Variants in PACSIN1 observed in about 807,000 individuals in gnomAD.
PACSIN1 encodes protein kinase C and casein kinase substrate in neurons 1, also known as protein kinase C and casein kinase substrate in neurons protein 1.
PACSIN1 carries 15 observed loss-of-function variants against 59.5 expected under a neutral mutation model. The ratio of observed to expected loss-of-function variants is 0.25; its 90% CI spans 0.17 to 0.39. The LOEUF is 0.39. PACSIN1 is among the 10% of genes least tolerant of loss of function. The pLI is 1.00. For synonymous variants in PACSIN1, 210 were observed against 220.6 expected (o/e 0.95, Z 0.42); for missense variants, 420 against 580.2 (o/e 0.72, Z 2.84).
chr6:34,512,270 A>G (rs1264864941), intron 1 of PACSIN1, among the ~76,000 whole-genome samples: 1 of 139,334 alleles, frequency 7.2e-6, no homozygotes, highest in Non-Finnish European at 1.5e-5. Flanking sequence ...CTTCTTCCAC[A>G]GGGCCTGTCT....
Position 34,529,835 on chromosome 6 carries a change from A to T in PACSIN1, c.782A>T (p.Asn261Ile). The change falls in exon 6 of 10, where the codon AAC (asparagine) becomes ATC (isoleucine). Residue 261 changes from asparagine to isoleucine, a missense_variant. Asn to Ile is a moderately radical substitution (Grantham distance 149). Coordinates refer to ENST00000244458, the MANE Select transcript of PACSIN1 (RefSeq NM_020804.5). The surrounding 1 kb of genome is among the most constrained non-coding windows in gnomAD (Gnocchi z 6.3). ...DIKRHLNLAE[N>I]SSYIHVYREL... is the part of the protein sequence containing the mutation. ...AAACGGCACCTCAACCTGGCTGAGA[A>T]CAGCAGGTACCTGGGCATGGCAGGC... The T allele has an allele frequency of 6.2e-7, 1 of 1,613,312 alleles. No individual in the cohort carries two copies. Among genetic ancestry groups the T allele is most frequent in the Non-Finnish European group, 8.5e-7 (1 of 1,179,718 alleles).
At chr6:34,526,516 T>A (rs1767484763) in intron 2 of PACSIN1, 148 bp downstream of exon 2, 2 of 642,158 alleles carry the variant, frequency 3.1e-6, no homozygotes, top group African/African-American at 3.7e-5. Flanking sequence ...CAGGCAGCGG[T>A]AGCCATGAAG....
rs574899058 is a variant in PACSIN1 at position 34,527,349 on chromosome 6, G to C, written c.81G>C (p.Arg27=). 6.3e-7 allele frequency: 1 copy of C among 1,587,974 alleles called. No individual in the cohort carries two copies. Among genetic ancestry groups the C allele is most frequent in the Non-Finnish European group, 8.6e-7 (1 of 1,168,042 alleles). Residue 27 remains arginine, a synonymous_variant, in exon 3 of 10, where the codon CGG becomes CGC. Coordinates refer to ENST00000244458, the MANE Select transcript of PACSIN1 (RefSeq NM_020804.5). ...DSFWEVGNYK[R]TVKRIDDGHR... is the part of the protein sequence containing the mutation. Reference sequence around the variant, plus strand: ...GCCGCCAGGTGGGGAACTACAAGCGGACCGTGAAGCGCATCGATGACGGCC... The same window carrying C: ...GCCGCCAGGTGGGGAACTACAAGCGCACCGTGAAGCGCATCGATGACGGCC...
At chr6:34,496,318 T>C (rs902229559) in intron 1 of PACSIN1, among the ~76,000 whole-genome samples, 1 of 151,012 alleles carries the variant, frequency 6.6e-6, no homozygotes, top group Non-Finnish European at 1.5e-5. Flanking sequence ...CCTGATTTCC[T>C]CCCTACAGTG....
At position 34,531,281 on chromosome 6, in the gene PACSIN1, C is replaced by T. The variant is rs1187357951; in HGVS notation, c.1038-319C>T. On this transcript the variant is annotated intron_variant, in intron 8 of 9. Transcript: ENST00000244458. The surrounding 1 kb of genome is among the most constrained non-coding windows in gnomAD (Gnocchi z 4.4). ...ATTGCTAGTTAGTAAACCTCAGAGCCAGATATGTTGCCCAGGAGGTCTGAC... is the reference window on the plus strand; with the variant it reads ...ATTGCTAGTTAGTAAACCTCAGAGCTAGATATGTTGCCCAGGAGGTCTGAC... Among the ~76,000 whole-genome samples, 1 of 152,178 alleles carries T rather than the reference C, an allele frequency of 6.6e-6. No individual in the cohort carries two copies. The highest frequency in any genetic ancestry group is 2.4e-5 in the African/African-American group (1 of 41,424).
intron 1 of PACSIN1, among the ~76,000 whole-genome samples, chr6:34,510,878 A>G (rs1300634277): frequency 1.3e-5 from 2 of 152,070 alleles, no homozygotes; most frequent in African/African-American, 2.4e-5. Flanking sequence ...ATGCCCAGCT[A>G]ATTTTTTGTA....
Position 34,530,307 on chromosome 6 carries a change from A to G in PACSIN1, c.853A>G (p.Arg285Gly). Reference protein sequence around the residue: ...IRGADAQEDLRWFRSTSGPGM... With the variant: ...IRGADAQEDLGWFRSTSGPGM... ...GGGGGCTGATGCCCAGGAAGACCTC[A>G]GATGGTTCCGCAGCACCAGTGGCCC... The change falls in exon 7 of 10, where the codon AGA becomes GGA. Residue 285 changes from arginine (R) to glycine (G), a missense_variant. Transcript: ENST00000244458. The surrounding 1 kb of genome is among the most constrained non-coding windows in gnomAD (Gnocchi z 4.4). The G allele has an allele frequency of 1.9e-6, 3 of 1,614,150 alleles. No individual in the cohort carries two copies. Among genetic ancestry groups the G allele is most frequent in the South Asian group, 1.1e-5 (1 of 91,080 alleles).
chr6:34,519,368 G>A (rs1472710819), intron 1 of PACSIN1, among the ~76,000 whole-genome samples: 1 of 152,152 alleles, frequency 6.6e-6, no homozygotes, highest in Non-Finnish European at 1.5e-5. Context: ...TAATGAGCAG[G>A]CTCCCTGGGG....
At position 34,500,600 on chromosome 6, in the gene PACSIN1, T is replaced by C. The variant is rs188174092; in HGVS notation, c.-63-25643T>C. ...GCATAATTCTCAAGGGCCTTAGAAT[T>C]TCAGGAATGGTAAATGAGCACTGGC... On this transcript the variant is annotated intron_variant, in intron 1 of 9. Transcript: ENST00000244458. 7.2e-5 allele frequency among the ~76,000 whole-genome samples: 11 copies of C among 152,304 alleles called. No individual in the cohort carries two copies. The East Asian group carries it at 2.1e-3, about 29-fold the overall frequency.
chr6:34,478,989 G>C (rs1022312711), intron 1 of PACSIN1, among the ~76,000 whole-genome samples: 4 of 152,098 alleles, frequency 2.6e-5, no homozygotes, highest in African/African-American at 9.7e-5. Flanking sequence ...AAGTGCAAAA[G>C]AGACAGACGA....
At chr6:34,466,995 G>C (rs976184697) in intron 1 of PACSIN1, among the ~76,000 whole-genome samples, 1 of 152,166 alleles carries the variant, frequency 6.6e-6, no homozygotes, top group Admixed American at 6.5e-5. Context: ...GCCAGACCCA[G>C]CTTCAAGCCC....
chr6:34,518,106 A>G lies in PACSIN1; in HGVS notation c.-63-8137A>G, dbSNP rs1045357322. Among the ~76,000 whole-genome samples the G allele has an allele frequency of 5.3e-5, 8 of 152,104 alleles. No homozygotes were observed. The highest frequency in any genetic ancestry group is 1.2e-4 in the Non-Finnish European group (8 of 67,986). On this transcript the variant is annotated intron_variant, in intron 1 of 9. Transcript: ENST00000244458. This position sits in a 1 kb window ranked among gnomAD's most constrained non-coding sequence, Gnocchi z 4.4. Reference sequence around the variant, plus strand: ...GGTCCACACATCTTCCTTTTCTCCAATCCAGCTGTGACCAGAGCTGCTCTG... The same window carrying G: ...GGTCCACACATCTTCCTTTTCTCCAGTCCAGCTGTGACCAGAGCTGCTCTG...
Position 34,528,426 on chromosome 6 carries a change from C to T in PACSIN1, c.221-216C>T, listed in dbSNP as rs532911152. Among the ~76,000 whole-genome samples the T allele has an allele frequency of 3.3e-5, 5 of 152,242 alleles. No individual in the cohort carries two copies. In the East Asian group the frequency reaches 5.8e-4, roughly 18 times the overall value. On this transcript the variant is annotated intron_variant, in intron 3 of 9. Coordinates refer to ENST00000244458, the MANE Select transcript of PACSIN1 (RefSeq NM_020804.5). ...CGCAGATACTGTGAGAAGAATGCAG[C>T]GAGGGCTGCTGGCCATGGCAGGAGG...
At chr6:34,505,581 A>T (rs1219565796) in intron 1 of PACSIN1, among the ~76,000 whole-genome samples, 48 of 70,768 alleles carry the variant, frequency 6.8e-4, no homozygotes, top group Non-Finnish European at 8.6e-4. Context: ...GGTAATTTCT[A>T]TTGTTCTATC....
At chr6:34,491,546 C>T (rs1396295337) in intron 1 of PACSIN1, among the ~76,000 whole-genome samples, 1 of 152,026 alleles carries the variant, frequency 6.6e-6, no homozygotes. Context: ...GGGAAGTGCC[C>T]CTTAGAACAC....
chr6:34,526,320 C>T lies in PACSIN1; in HGVS notation c.15C>T (p.Tyr5=), dbSNP rs530053645. Residue 5 remains tyrosine (Y), a synonymous_variant, in exon 2 of 10, where the codon TAC becomes TAT. Transcript: ENST00000244458. ...GCGGCTACACCATGTCCAGCTCCTA[C>T]GATGAGGCCTCACTGGCGCCAGAGG... MSSS[Y]DEASLAPEET... 11 of 1,612,154 alleles carry T rather than the reference C, an allele frequency of 6.8e-6. No homozygotes were observed. The East Asian group carries it at 1.1e-4, about 16-fold the overall frequency.
intron 1 of PACSIN1, among the ~76,000 whole-genome samples, chr6:34,478,057 T>C (rs915405578): frequency 2.7e-5 from 4 of 148,146 alleles, no homozygotes; most frequent in African/African-American, 1.0e-4. Context: ...CCAGCCCCTT[T>C]ATCCTTTTTT....
chr6:34,490,700 G>A (rs1766863577), intron 1 of PACSIN1, among the ~76,000 whole-genome samples: 1 of 152,196 alleles, frequency 6.6e-6, no homozygotes, highest in Non-Finnish European at 1.5e-5. Flanking sequence ...TGGTAAATGA[G>A]GTGCCTGCCC....
rs192864368 is a variant in PACSIN1, at chr6:34,517,668, G to T, written c.-63-8575G>T. Among the ~76,000 whole-genome samples the T allele has an allele frequency of 7.3e-5, 11 of 151,574 alleles. No individual in the cohort carries two copies. In the East Asian group the frequency reaches 2.2e-3, roughly 30 times the overall value. The stretch of plus-strand genomic sequence containing the variant: ...ACCTTCCTCAGGCCTTTGCTCCAAG[G>T]CCACCTGCTCAGAATGACCTTCTCT... On this transcript the variant is annotated intron_variant, in intron 1 of 9. Coordinates refer to ENST00000244458, the MANE Select transcript of PACSIN1 (RefSeq NM_020804.5).
Sources: allele counts gnomAD v4.1 joint callset (sites outside exome capture counted in the v4.1 genomes callset), GRCh38; gene constraint gnomAD v4.1.1; non-coding constraint Gnocchi (gnomAD v3.1); transcripts MANE v1.5; gene names NCBI Gene and HGNC (gene_info 2026-07-23, HGNC 2026-07-21).